Variants in GNG12 observed in about 807,000 individuals in gnomAD.
GNG12 encodes the protein guanine nucleotide-binding protein G(I)/G(S)/G(O) subunit gamma-12.
For missense variants in GNG12, 69 were observed against 83.8 expected, an observed-to-expected ratio of 0.82 and a Z score of 0.69; for synonymous variants, 28 against 29.7, an observed-to-expected ratio of 0.94 and a Z score of 0.19.
chr1:67,723,893 A>G (rs1051265396), intron 2 of GNG12, among the ~76,000 whole-genome samples: 1 of 152,210 alleles, frequency 6.6e-6, no homozygotes. Context: ...ACGGGGTAAA[A>G]GGAAGTAGAG....
chr1:67,766,148 A>ACACCC (rs756645057), intron 2 of GNG12, among the ~76,000 whole-genome samples: 2 of 133,792 alleles, frequency 1.5e-5, no homozygotes, highest in African/African-American at 3.1e-5. Context: ...ACACACACAC[A>ACACCC]CCCCTAAACA....
At position 67,702,683 on chromosome 1, in the gene GNG12, T is replaced by C. The variant is rs1034807712; in HGVS notation, c.*2768A>G. On this transcript the variant is annotated 3_prime_UTR_variant, in exon 4 of 4. Coordinates refer to ENST00000370982, the MANE Select transcript of GNG12 (RefSeq NM_018841.6). ...TAAAATATTTCCCTTATTTAAAAAA[T>C]GTTTCTGTAAAATACTTCGGAGTCA... The C allele has an allele frequency of 3.9e-5, 6 of 152,040 alleles. No individual in the cohort carries two copies. Among genetic ancestry groups the C allele is most frequent in the African/African-American group, 1.4e-4 (6 of 41,418 alleles). 9.4% of individuals were successfully genotyped at this position (152,040 alleles called of 1,614,324 possible).
At chr1:67,740,305 C>T (rs1646475739) in intron 2 of GNG12, among the ~76,000 whole-genome samples, 1 of 152,236 alleles carries the variant, frequency 6.6e-6, no homozygotes, top group Non-Finnish European at 1.5e-5. Flanking sequence ...GAACAAGTCT[C>T]CTATATTTCT....
chr1:67,738,680 A>G (rs1338384244), intron 2 of GNG12, among the ~76,000 whole-genome samples: 1 of 152,208 alleles, frequency 6.6e-6, no homozygotes, highest in Admixed American at 6.5e-5. Context: ...AGTTTGAGAC[A>G]TGCCTGGGCA....
In GNG12 at chr1:67,795,031, C is replaced by A. The variant is rs1646822387; in HGVS notation, c.-76-17524G>T. On this transcript the variant is annotated intron_variant, in intron 1 of 3. Transcript: ENST00000370982. Reference sequence around the variant, plus strand: ...TTTTAGAGATAAGGACACAGGGGTACAGGGTTTCAATGTTTTTCCTAGAAC... The same window carrying A: ...TTTTAGAGATAAGGACACAGGGGTAAAGGGTTTCAATGTTTTTCCTAGAAC... Among the ~76,000 whole-genome samples the A allele has an allele frequency of 2.6e-5, 4 of 152,166 alleles. No individual in the cohort carries two copies. In the South Asian group the frequency reaches 8.3e-4, roughly 32 times the overall value.
chr1:67,705,319 G>C lies in GNG12; in HGVS notation c.*132C>G, dbSNP rs1248526825. 1 of 1,372,242 alleles carries C rather than the reference G, an allele frequency of 7.3e-7. No individual in the cohort carries two copies. Among genetic ancestry groups the C allele is most frequent in the Non-Finnish European group, 9.7e-7 (1 of 1,029,380 alleles). The allele number at this position is 1,372,242 out of a possible 1,614,324, so 85.0% of individuals were successfully genotyped here. A position where few individuals can be genotyped will look rare whatever the true frequency, so the allele number is the denominator to read the frequency against. On this transcript the variant is annotated 3_prime_UTR_variant, in exon 4 of 4. Coordinates refer to ENST00000370982, the MANE Select transcript of GNG12 (RefSeq NM_018841.6). ...CAACTTGGAAAATAGAGACTTCAGA[G>C]TCCATTATTCCAAGCTGAGAACATT...
intron 2 of GNG12, among the ~76,000 whole-genome samples, chr1:67,767,491 A>G (rs1363776348): frequency 1.3e-5 from 2 of 152,166 alleles, no homozygotes; most frequent in East Asian, 3.8e-4. Context: ...GGGTCATCTC[A>G]CTAGTTCAGA....
chr1:67,757,280 C>T (rs1176036502), intron 2 of GNG12, among the ~76,000 whole-genome samples: 2 of 152,182 alleles, frequency 1.3e-5, no homozygotes, highest in Non-Finnish European at 2.9e-5. Flanking sequence ...GAATTTTCCA[C>T]TTCTGGTGTC....
At chr1:67,766,128 A>ACG (rs1490018672) in intron 2 of GNG12, among the ~76,000 whole-genome samples, 1 of 151,284 alleles carries the variant, frequency 6.6e-6, no homozygotes, top group Non-Finnish European at 1.5e-5. Context: ...ACACACACAC[A>ACG]CACACACACA....
intron 2 of GNG12, among the ~76,000 whole-genome samples, chr1:67,711,592 G>C (rs1031515552): frequency 1.3e-5 from 2 of 152,156 alleles, no homozygotes; most frequent in Non-Finnish European, 2.9e-5. Flanking sequence ...CAGTCTGTCT[G>C]GGTGTGGTAT....
At chr1:67,797,048 G>T (rs1365177242) in intron 1 of GNG12, among the ~76,000 whole-genome samples, 1 of 152,090 alleles carries the variant, frequency 6.6e-6, no homozygotes, top group Non-Finnish European at 1.5e-5. Context: ...ATTTATGAGG[G>T]ATCTGCTGCC....
intron 2 of GNG12, among the ~76,000 whole-genome samples, chr1:67,763,094 A>G (rs976098455): frequency 3.4e-5 from 5 of 145,788 alleles, no homozygotes; most frequent in African/African-American, 7.8e-5. Context: ...CTCCCAGGAG[A>G]GAGAGAGAGA....
intron 2 of GNG12, among the ~76,000 whole-genome samples, chr1:67,748,169 G>T (rs1029124889): frequency 7.9e-5 from 12 of 152,190 alleles, no homozygotes; most frequent in African/African-American, 2.9e-4. Flanking sequence ...TGGGGGCAGG[G>T]AAAGGAGAGA....
intron 2 of GNG12, among the ~76,000 whole-genome samples, chr1:67,744,392 A>G (rs1646497636): frequency 6.6e-6 from 1 of 152,160 alleles, no homozygotes; most frequent in Non-Finnish European, 1.5e-5. Context: ...CTGAGATGAA[A>G]TTCTCAGGTG....
At chr1:67,824,740 C>G (rs1647002386) in intron 1 of GNG12, among the ~76,000 whole-genome samples, 1 of 152,080 alleles carries the variant, frequency 6.6e-6, no homozygotes, top group African/African-American at 2.4e-5. Flanking sequence ...TTCAACAGCT[C>G]AGGAGGAGGA....
intron 1 of GNG12, among the ~76,000 whole-genome samples, chr1:67,824,421 G>A (rs563001526): frequency 2.7e-5 from 4 of 146,440 alleles, no homozygotes; most frequent in African/African-American, 1.0e-4. Flanking sequence ...GAGGTGGGAG[G>A]ATCACCTGAG....
chr1:67,750,481 C>T (rs1338692957), intron 2 of GNG12, among the ~76,000 whole-genome samples: 2 of 152,160 alleles, frequency 1.3e-5, no homozygotes, highest in Admixed American at 1.3e-4. Context: ...AGAAACACTC[C>T]TTTATTTCTT....
chr1:67,741,616 G>A (rs923956220), intron 2 of GNG12, among the ~76,000 whole-genome samples: 2 of 152,138 alleles, frequency 1.3e-5, no homozygotes, highest in African/African-American at 2.4e-5. Flanking sequence ...CACCATCTTT[G>A]AGTCTATAAC....
intron 1 of GNG12, among the ~76,000 whole-genome samples, chr1:67,826,230 T>C (rs754255579): frequency 6.6e-6 from 1 of 152,198 alleles, no homozygotes; most frequent in Non-Finnish European, 1.5e-5. Flanking sequence ...CCTTTGTGTG[T>C]GTTAAAAAAA....
Sources: allele counts gnomAD v4.1 joint callset (sites outside exome capture counted in the v4.1 genomes callset), GRCh38; gene constraint gnomAD v4.1.1; transcripts MANE v1.5; gene names NCBI Gene and HGNC (gene_info 2026-07-23, HGNC 2026-07-21).